XYLT1: variants seen among roughly 807,000 people sequenced by gnomAD.
XYLT1 encodes the protein xylosyltransferase 1.
Under a neutral mutation model 91.3 loss-of-function variants are expected in XYLT1, and 36 were observed. That is an observed-to-expected ratio of 0.39 (90% confidence interval 0.30 to 0.52). The LOEUF is 0.52. Among genes scored for constraint, XYLT1 ranks in the 20% least tolerant of loss-of-function variants. The pLI is 0.68. For synonymous variants in XYLT1, 588 were observed against 532.0 expected (o/e 1.11, Z -1.45); for missense variants, 1,242 against 1,284.5 (o/e 0.97, Z 0.51).
intron 2 of XYLT1, chr16:17,355,088 TGA>T (rs1192257702): frequency 9.1e-5 from 14 of 153,014 alleles, no homozygotes; most frequent in African/African-American, 3.4e-4. Context: ...GCACAAATGC[TGA>T]GAGTCTACCT....
chr16:17,470,075 A>G lies in XYLT1; in HGVS notation c.363+359T>C, dbSNP rs765327381. On this transcript the variant is annotated intron_variant, in intron 1 of 11. Transcript: ENST00000261381. ...GCTGAGGATCCGGGGAGATCCACTC[A>G]CTCAGGCAGGGAGCGAGTCACCAAG... Among the ~76,000 whole-genome samples the G allele has an allele frequency of 1.8e-3, 250 of 138,074 alleles. 1 individual carries two copies. Among genetic ancestry groups the G allele is most frequent in the Non-Finnish European group, 5.3e-4 (33 of 62,142 alleles). The allele number at this position is 138,074 out of a possible 152,430, so 90.6% of individuals were successfully genotyped here. A position where few individuals can be genotyped will look rare whatever the true frequency, so the allele number is the denominator to read the frequency against.
At chr16:17,191,342 C>G (rs991104920) in intron 5 of XYLT1, among the ~76,000 whole-genome samples, 1 of 152,202 alleles carries the variant, frequency 6.6e-6, no homozygotes, top group African/African-American at 2.4e-5. Context: ...GTGATCTGTA[C>G]GCAGATGCAG....
chr16:17,257,323 T>G (rs1290497761), intron 3 of XYLT1, among the ~76,000 whole-genome samples: 1 of 152,196 alleles, frequency 6.6e-6, no homozygotes, highest in African/African-American at 2.4e-5. Context: ...CTCTCCCTGT[T>G]AGCTGGTAGC....
At chr16:17,258,436 G>A (rs12934469) in intron 3 of XYLT1, among the ~76,000 whole-genome samples, 44,195 of 151,098 alleles carry the variant, frequency 0.29, 6,885 homozygotes, top group Middle Eastern at 0.38. Context: ...AATGAGGAAG[G>A]AAGGGAGGAA....
intron 2 of XYLT1, among the ~76,000 whole-genome samples, chr16:17,333,115 C>A (rs1355957236): frequency 6.6e-6 from 1 of 151,650 alleles, no homozygotes; most frequent in Non-Finnish European, 1.5e-5. Flanking sequence ...GGAAAAAAAA[C>A]TGTGTTCCGG....
chr16:17,174,746 A>G (rs1438063137), intron 5 of XYLT1, among the ~76,000 whole-genome samples: 2 of 152,168 alleles, frequency 1.3e-5, no homozygotes, highest in Non-Finnish European at 2.9e-5. Flanking sequence ...CACTAATTTC[A>G]GTTGTATATT....
At chr16:17,127,389 T>C (rs769325172) in intron 10 of XYLT1, among the ~76,000 whole-genome samples, 1 of 152,158 alleles carries the variant, frequency 6.6e-6, no homozygotes, top group Non-Finnish European at 1.5e-5. Flanking sequence ...ATTACTGACA[T>C]TGGTTTAGGA....
chr16:17,188,976 T>C (rs1345667474), intron 5 of XYLT1, among the ~76,000 whole-genome samples: 4 of 105,372 alleles, frequency 3.8e-5, no homozygotes, highest in African/African-American at 5.9e-5. Context: ...TGGATATGTT[T>C]TTCCTCACCT....
In XYLT1 at chr16:17,442,102, G is replaced by C. The variant is rs149602366; in HGVS notation, c.363+28332C>G. Among the ~76,000 whole-genome samples, 1,097 of 152,282 alleles carry C rather than the reference G, an allele frequency of 7.2e-3. 14 individuals are homozygous for C. Among genetic ancestry groups the C allele is most frequent in the East Asian group, 0.015 (80 of 5,174 alleles). ...CTGTCTTTTCCTGCCTTTGAGTTCA[G>C]ATGAAAACATTGGCCCTTCCCAGAT... On this transcript the variant is annotated intron_variant, in intron 1 of 11. Coordinates refer to ENST00000261381, the MANE Select transcript of XYLT1 (RefSeq NM_022166.4).
At chr16:17,269,154 G>A (rs9926198) in intron 2 of XYLT1, among the ~76,000 whole-genome samples, 100,805 of 151,998 alleles carry the variant, frequency 0.66, 35,695 homozygotes, top group African/African-American at 0.91. Flanking sequence ...AAATGCTAAC[G>A]TTGTTTTTCT....
intron 10 of XYLT1, among the ~76,000 whole-genome samples, chr16:17,119,242 C>G (rs926736339): frequency 1.3e-5 from 2 of 152,152 alleles, no homozygotes; most frequent in African/African-American, 4.8e-5. Flanking sequence ...TGACCAAAAA[C>G]TGAATGAACT....
intron 2 of XYLT1, among the ~76,000 whole-genome samples, chr16:17,314,611 A>G (rs1002663474): frequency 3.3e-5 from 5 of 152,174 alleles, no homozygotes; most frequent in Non-Finnish European, 5.9e-5. Flanking sequence ...ATTATTATCT[A>G]TCCCCTCCCA....
chr16:17,139,457 C>A (rs1472784092), intron 7 of XYLT1, among the ~76,000 whole-genome samples: 1 of 152,180 alleles, frequency 6.6e-6, no homozygotes, highest in Non-Finnish European at 1.5e-5. Flanking sequence ...AAAGCACACA[C>A]ACGGAGCTTT....
rs1220561170 is a variant in XYLT1, at chr16:17,305,421, T to C, written c.403-45923A>G. 3.3e-5 allele frequency among the ~76,000 whole-genome samples: 5 copies of C among 150,406 alleles called. No homozygotes were observed. In the East Asian group the frequency reaches 9.7e-4, roughly 29 times the overall value. On this transcript the variant is annotated intron_variant, in intron 2 of 11. Transcript: ENST00000261381. ...ACAGAATACCTTCTTCTTCTTCTTT[T>C]TTTTTTTTTTTTGAGATGGAGTCTC...
At chr16:17,158,782 C>A in intron 6 of XYLT1, 47 bp downstream of exon 6, 1 of 1,596,682 alleles carries the variant, frequency 6.3e-7, no homozygotes, top group South Asian at 1.1e-5. Context: ...AATGATCACT[C>A]AGATTTTCAT....
intron 1 of XYLT1, among the ~76,000 whole-genome samples, chr16:17,392,322 T>C (rs2035829840): frequency 2.6e-5 from 4 of 152,174 alleles, no homozygotes; most frequent in Admixed American, 6.5e-5. Context: ...TGGGAGGTTT[T>C]TCATCCAAGT....
chr16:17,458,636 G>C (rs1051428225), intron 1 of XYLT1, among the ~76,000 whole-genome samples: 11 of 152,092 alleles, frequency 7.2e-5, no homozygotes, highest in African/African-American at 2.7e-4. Flanking sequence ...TCTTCAAACT[G>C]GTTAAGTTGA....
intron 1 of XYLT1, among the ~76,000 whole-genome samples, chr16:17,428,877 G>A (rs1336886864): frequency 6.6e-6 from 1 of 152,138 alleles, no homozygotes; most frequent in Non-Finnish European, 1.5e-5. Context: ...TGCTGGGCTG[G>A]GAGGCTGCTA....
At chr16:17,156,628 CA>C (rs1168148201) in intron 6 of XYLT1, among the ~76,000 whole-genome samples, 1 of 152,030 alleles carries the variant, frequency 6.6e-6, no homozygotes, top group Non-Finnish European at 1.5e-5. Context: ...ATAATTCTTA[CA>C]GCTGCATTGA....
Sources: gnomAD v4.1 joint callset for allele counts (sites outside exome capture counted in the v4.1 genomes callset) on GRCh38, gnomAD v4.1.1 for gene constraint, MANE v1.5 for transcripts, NCBI Gene and HGNC (gene_info 2026-07-23, HGNC 2026-07-21) for gene names.